GPC5: variants seen among roughly 807,000 people sequenced by gnomAD.
The protein encoded by GPC5 is glypican 5, also known as glypican-5.
Under a neutral mutation model 53.9 loss-of-function variants are expected in GPC5, and 47 were observed. That is an observed-to-expected ratio of 0.87 (90% CI 0.69 to 1.11). GPC5 has a LOEUF of 1.11. GPC5 is among the 50% of genes most tolerant of loss of function. GPC5 has a pLI of 0.00. For synonymous variants in GPC5, 286 were observed against 263.3 expected, an observed-to-expected ratio of 1.09 and a Z score of -0.84; for missense variants, 748 against 713.1, an observed-to-expected ratio of 1.05 and a Z score of -0.56.
chr13:92,149,879 T>A (rs1284917786), intron 7 of GPC5, among the ~76,000 whole-genome samples: 1 of 151,970 alleles, frequency 6.6e-6, no homozygotes, highest in Non-Finnish European at 1.5e-5. Context: ...CTCATTGATT[T>A]TTTTCCTATC....
At chr13:92,242,413 G>A (rs2042619846) in intron 7 of GPC5, among the ~76,000 whole-genome samples, 1 of 151,754 alleles carries the variant, frequency 6.6e-6, no homozygotes, top group Admixed American at 6.6e-5. Flanking sequence ...CTATGAATGT[G>A]CCTGTTTAGA....
At position 92,004,311 on chromosome 13, in the gene GPC5, G is replaced by C. The variant is rs558564737; in HGVS notation, c.1401+96254G>C. Reference sequence around the variant, plus strand: ...AATACAAAAATTAACTGGATGTGGTGACGTGCGCCTGTAGTCCCAGCTACT... The same window carrying C: ...AATACAAAAATTAACTGGATGTGGTCACGTGCGCCTGTAGTCCCAGCTACT... On this transcript the variant is annotated intron_variant, in intron 6 of 7. Transcript: ENST00000377067. Among the ~76,000 whole-genome samples, 39 of 151,110 alleles carry C rather than the reference G, an allele frequency of 2.6e-4. No homozygotes were observed. The East Asian group carries it at 5.9e-3, about 23-fold the overall frequency.
At chr13:92,186,448 A>C (rs948822133) in intron 7 of GPC5, among the ~76,000 whole-genome samples, 2 of 151,936 alleles carry the variant, frequency 1.3e-5, no homozygotes, top group African/African-American at 4.8e-5. Flanking sequence ...ATAATGAGTA[A>C]ATTTTGGCCA....
intron 3 of GPC5, among the ~76,000 whole-genome samples, chr13:91,697,049 C>G (rs191498036): frequency 6.6e-6 from 1 of 152,272 alleles, no homozygotes; most frequent in East Asian, 1.9e-4. Context: ...ATAAAATGAA[C>G]TTACACACTT....
intron 5 of GPC5, among the ~76,000 whole-genome samples, chr13:91,863,381 CTG>C (rs2039051010): frequency 6.6e-6 from 1 of 150,590 alleles, no homozygotes; most frequent in Non-Finnish European, 1.5e-5. Context: ...GGAATTTTAT[CTG>C]TTTCTTTATT....
chr13:92,783,004 T>C (rs1329722796), intron 7 of GPC5, among the ~76,000 whole-genome samples: 2 of 152,230 alleles, frequency 1.3e-5, no homozygotes, highest in African/African-American at 2.4e-5. Context: ...CTAAATTATC[T>C]ATAAACTTCA....
At chr13:91,462,582 G>A (rs1007937471) in intron 2 of GPC5, among the ~76,000 whole-genome samples, 3 of 152,090 alleles carry the variant, frequency 2.0e-5, no homozygotes, top group African/African-American at 7.2e-5. Flanking sequence ...AAATATCGTT[G>A]CGTATCTGTA....
chr13:92,167,337 T>C (rs2042039000), intron 7 of GPC5, among the ~76,000 whole-genome samples: 1 of 152,160 alleles, frequency 6.6e-6, no homozygotes, highest in Non-Finnish European at 1.5e-5. Flanking sequence ...TAAAAACAAA[T>C]TGTATATGGT....
At chr13:92,114,858 A>G (rs1019635708) in intron 6 of GPC5, among the ~76,000 whole-genome samples, 10 of 152,152 alleles carry the variant, frequency 6.6e-5, no homozygotes, top group Non-Finnish European at 1.3e-4. Flanking sequence ...AATGGGGAGT[A>G]TTTTTCAAAA....
At chr13:91,806,720 T>C (rs1309059997) in intron 5 of GPC5, among the ~76,000 whole-genome samples, 3 of 152,152 alleles carry the variant, frequency 2.0e-5, no homozygotes, top group Non-Finnish European at 4.4e-5. Context: ...AAACATTCAA[T>C]AGAATTTTCA....
intron 7 of GPC5, among the ~76,000 whole-genome samples, chr13:92,221,595 A>T (rs2042449019): frequency 1.3e-5 from 2 of 152,128 alleles, no homozygotes; most frequent in South Asian, 4.1e-4. Context: ...TGGCATAGGC[A>T]TTTGGTGGGG....
At chr13:91,559,373 G>A (rs9515939) in intron 2 of GPC5, among the ~76,000 whole-genome samples, 67,178 of 152,002 alleles carry the variant, frequency 0.44, 18,161 homozygotes, top group East Asian at 0.71. Flanking sequence ...TGAGCTCAGC[G>A]CTTGAACTCT....
At chr13:92,732,706 T>TAATC (rs1486381834) in intron 7 of GPC5, among the ~76,000 whole-genome samples, 1 of 151,744 alleles carries the variant, frequency 6.6e-6, no homozygotes, top group Non-Finnish European at 1.5e-5. Flanking sequence ...TGAAAGAAGT[T>TAATC]AATCAGTTCC....
At chr13:92,220,476 G>C (rs556411320) in intron 7 of GPC5, among the ~76,000 whole-genome samples, 28 of 152,228 alleles carry the variant, frequency 1.8e-4, no homozygotes, top group African/African-American at 6.7e-4. Flanking sequence ...TTGTAACAAA[G>C]ATTAAGTGAA....
chr13:92,620,940 G>C (rs1884848762), intron 7 of GPC5, among the ~76,000 whole-genome samples: 1 of 152,178 alleles, frequency 6.6e-6, no homozygotes, highest in African/African-American at 2.4e-5. Context: ...TGAATTTATA[G>C]TGTTATTTTG....
At chr13:91,620,761 T>G (rs1191889598) in intron 2 of GPC5, among the ~76,000 whole-genome samples, 2 of 152,144 alleles carry the variant, frequency 1.3e-5, no homozygotes, top group Non-Finnish European at 2.9e-5. Context: ...CTGTAGCTGA[T>G]GCCGATGAAC....
chr13:92,356,198 C>T (rs978794629), intron 7 of GPC5, among the ~76,000 whole-genome samples: 3 of 152,082 alleles, frequency 2.0e-5, no homozygotes, highest in Non-Finnish European at 4.4e-5. Context: ...TTATTGAGAA[C>T]ACACACACTT....
intron 7 of GPC5, among the ~76,000 whole-genome samples, chr13:92,741,900 A>G (rs1183258306): frequency 1.3e-5 from 2 of 151,986 alleles, no homozygotes; most frequent in Non-Finnish European, 2.9e-5. Flanking sequence ...CCACGTCCCT[A>G]CAAAGGACAT....
intron 7 of GPC5, among the ~76,000 whole-genome samples, chr13:92,752,895 C>T (rs141950809): frequency 0.07 from 10,681 of 152,166 alleles, 471 homozygotes; most frequent in Admixed American, 0.13. Flanking sequence ...AACTGCAAGG[C>T]GGCAGTGAGG....
Sources: gnomAD v4.1 joint callset for allele counts (sites outside exome capture counted in the v4.1 genomes callset) on GRCh38, gnomAD v4.1.1 for gene constraint, MANE v1.5 for transcripts, NCBI Gene and HGNC (gene_info 2026-07-23, HGNC 2026-07-21) for gene names.